Variants in RCC1L observed in about 807,000 individuals in gnomAD.
RCC1L encodes RCC1-like G exchanging factor-like protein.
Under a neutral mutation model 58.6 loss-of-function variants are expected in RCC1L, and 46 were observed. The observed-to-expected ratio is 0.79, with a 90% CI of 0.62 to 1.00. RCC1L has a LOEUF of 1.00. RCC1L is among the 50% of genes least tolerant of loss of function. RCC1L has a pLI of 0.00. For missense variants in RCC1L, 636 were observed against 623.6 expected (o/e 1.02, Z -0.21); for synonymous variants, 281 against 262.9 (o/e 1.07, Z -0.67).
At chr7:75,052,043 C>A (rs1284178040) in intron 10 of RCC1L, among the ~76,000 whole-genome samples, 1 of 152,144 alleles carries the variant, frequency 6.6e-6, no homozygotes, top group African/African-American at 2.4e-5. Flanking sequence ...ACTTAGTAAA[C>A]AACACTAAGG....
At chr7:75,039,826 C>T (rs918991495), downstream of RCC1L, among the ~76,000 whole-genome samples, 43 of 152,178 alleles carry the variant, frequency 2.8e-4, no homozygotes, top group African/African-American at 8.4e-4. Context: ...CGAGAGGAGA[C>T]GGGAGCTTGC....
chr7:75,061,354 C>T, intron 5 of RCC1L, 63 bp from the exon 6 acceptor site: 1 of 1,440,776 alleles, frequency 6.9e-7, no homozygotes, highest in Non-Finnish European at 9.8e-7. Flanking sequence ...TGTCCTCATC[C>T]AAAGAAGGAC....
intron 9 of RCC1L, 116 bp downstream of exon 9, chr7:75,055,785 A>C: frequency 8.1e-7 from 1 of 1,234,258 alleles, no homozygotes; most frequent in Non-Finnish European, 1.2e-6. Flanking sequence ...TATCAGTACA[A>C]AGGCGCCGTT....
chr7:75,060,255 C>A (rs943698903), intron 6 of RCC1L, among the ~76,000 whole-genome samples: 2 of 152,186 alleles, frequency 1.3e-5, no homozygotes, highest in African/African-American at 4.8e-5. Flanking sequence ...TCTGGATGCA[C>A]CACGGTTGAT....
chr7:75,068,038 G>A (rs1217620545), intron 2 of RCC1L, among the ~76,000 whole-genome samples: 8 of 151,962 alleles, frequency 5.3e-5, no homozygotes, highest in African/African-American at 1.7e-4. Flanking sequence ...ATGTAACGCG[G>A]GCCGGGCACG....
chr7:75,063,442 C>T (rs1366769430), intron 4 of RCC1L, 99 bp from the exon 5 acceptor site: 24 of 1,217,930 alleles, frequency 2.0e-5, no homozygotes, highest in Admixed American at 5.1e-5. Context: ...CCGTCCCCTC[C>T]GCTCACACAG....
downstream of RCC1L, among the ~76,000 whole-genome samples, chr7:75,039,099 C>T (rs893145455): frequency 3.9e-5 from 6 of 152,236 alleles, no homozygotes; most frequent in East Asian, 1.9e-4. Flanking sequence ...CTCGGACCCC[C>T]GAAGTGCTGG....
In RCC1L at chr7:75,073,549, C is replaced by A. The variant is rs1806851030; in HGVS notation, c.189G>T (p.Val63=). ...GCGCCCCCGAGAAGCTGAAGCCCCACACGAAGACGCGATCGGCGCGGGCAG... is the reference window on the plus strand; with the variant it reads ...GCGCCCCCGAGAAGCTGAAGCCCCAAACGAAGACGCGATCGGCGCGGGCAG... The part of the protein sequence containing the change: ...ERAARADRVF[V]WGFSFSGALG... Residue 63 remains valine (V), a synonymous_variant, in exon 1 of 11, where the codon GTG becomes GTT. Coordinates refer to ENST00000610322, the MANE Select transcript of RCC1L (RefSeq NM_030798.5). The A allele has an allele frequency of 1.3e-6, 2 of 1,506,836 alleles. No individual in the cohort carries two copies. Among genetic ancestry groups the A allele is most frequent in the South Asian group, 1.3e-5 (1 of 79,804 alleles). 93.3% of individuals were successfully genotyped at this position (1,506,836 alleles called of 1,614,324 possible).
chr7:75,045,560 G>C (rs1171911456), intron 10 of RCC1L, among the ~76,000 whole-genome samples: 7 of 151,584 alleles, frequency 4.6e-5, no homozygotes, highest in African/African-American at 1.7e-4. Context: ...TCTGTCACCA[G>C]GCTAGAGTGC....
chr7:75,063,694 G>C (rs1033694139), intron 4 of RCC1L, among the ~76,000 whole-genome samples: 1 of 152,048 alleles, frequency 6.6e-6, no homozygotes, highest in East Asian at 1.9e-4. Flanking sequence ...CGAGGTGGGC[G>C]GATCACTTGA....
exon 11 of RCC1L, chr7:75,028,059 G>C: frequency 6.5e-7 from 1 of 1,534,282 alleles, no homozygotes. Context: ...TTGTCTTGGC[G>C]CTGGCGGATG....
rs1435737229 is a variant in RCC1L at position 75,073,551 on chromosome 7, C to G, written c.187G>C (p.Val63Leu). The G allele has an allele frequency of 2.7e-6, 4 of 1,507,584 alleles. No homozygotes were observed. The African/African-American group carries it at 5.8e-5, about 22-fold the overall frequency. 93.4% of individuals were successfully genotyped at this position (1,507,584 alleles called of 1,614,324 possible). ...GCCCCCGAGAAGCTGAAGCCCCACA[C>G]GAAGACGCGATCGGCGCGGGCAGCG... Reference protein sequence around the residue: ...ERAARADRVFVWGFSFSGALG... With the variant: ...ERAARADRVFLWGFSFSGALG... Residue 63 changes from valine (V) to leucine (L), a missense_variant, in exon 1 of 11, where the codon GTG (valine) becomes CTG (leucine). Physicochemically the swap from Val to Leu is conservative, Grantham distance 32 (BLOSUM62 1). Transcript: ENST00000610322.
chr7:75,039,013 G>T (rs907691037), downstream of RCC1L, among the ~76,000 whole-genome samples: 26 of 152,210 alleles, frequency 1.7e-4, no homozygotes, highest in Admixed American at 2.6e-4. Context: ...GCTAATTTTT[G>T]TATTTTCAGT....
intron 10 of RCC1L, among the ~76,000 whole-genome samples, chr7:75,051,325 C>T (rs1394081918): frequency 4.9e-5 from 7 of 142,396 alleles, no homozygotes; most frequent in African/African-American, 8.3e-5. Context: ...CACATATATA[C>T]ACACACACAC....
At chr7:75,069,050 G>C (rs1806623193) in intron 2 of RCC1L, among the ~76,000 whole-genome samples, 1 of 151,848 alleles carries the variant, frequency 6.6e-6, no homozygotes, top group African/African-American at 2.4e-5. Context: ...TGCATTTTTA[G>C]TAGAGACGGG....
intron 2 of RCC1L, among the ~76,000 whole-genome samples, chr7:75,068,320 CAAAA>C (rs67141856): frequency 8.7e-6 from 1 of 114,468 alleles, no homozygotes; most frequent in Non-Finnish European, 1.7e-5. Flanking sequence ...AACTCTGACT[CAAAA>C]AAAAAAAAAA....
At position 75,072,155 on chromosome 7, in the gene RCC1L, C is replaced by CATATATATATATATAT. The variant is rs1212608729; in HGVS notation, c.324+1258_324+1259insATATATATATATATAT. Among the ~76,000 whole-genome samples, 305 of 47,834 alleles carry CATATATATATATATAT rather than the reference C, an allele frequency of 6.4e-3. 11 individuals carry two copies. Among genetic ancestry groups the CATATATATATATATAT allele is most frequent in the Non-Finnish European group, 8.6e-3 (198 of 23,068 alleles). The allele number at this position is 47,834 out of a possible 152,430, so 31.4% of individuals were successfully genotyped here. ...TTTTAAATTTATACATATACATATA[C>CATATATATATATATAT]ATATACATATATATATATATATATA... is the stretch of plus-strand genomic sequence containing the variant. On this transcript the variant is annotated intron_variant, in intron 1 of 10. Transcript: ENST00000610322.
At chr7:75,041,789 A>G (rs1805573338), downstream of RCC1L, among the ~76,000 whole-genome samples, 1 of 148,088 alleles carries the variant, frequency 6.8e-6, no homozygotes, top group African/African-American at 2.5e-5. Flanking sequence ...ATTTGAACCC[A>G]GGGGGTGGAG....
At chr7:75,061,048 T>G (rs1806260861) in intron 6 of RCC1L, among the ~76,000 whole-genome samples, 159 bp downstream of exon 6, 1 of 152,150 alleles carries the variant, frequency 6.6e-6, no homozygotes, top group South Asian at 2.1e-4. Context: ...CACTCCAGCT[T>G]GGGCGATGGA....
Sources: allele counts gnomAD v4.1 joint callset (sites outside exome capture counted in the v4.1 genomes callset), GRCh38; gene constraint gnomAD v4.1.1; transcripts MANE v1.5; gene names NCBI Gene and HGNC (gene_info 2026-07-23, HGNC 2026-07-21).